ZNF768: variants seen among roughly 807,000 people sequenced by gnomAD.
ZNF768 encodes zinc finger protein 768.
Under a neutral mutation model 39.7 loss-of-function variants are expected in ZNF768, and 12 were observed. The ratio of observed to expected loss-of-function variants is 0.30; its 90% CI spans 0.19 to 0.49. ZNF768 has a LOEUF of 0.49. Among genes scored for constraint, ZNF768 ranks in the 20% least tolerant of loss-of-function variants. The pLI is 0.99. For missense variants in ZNF768, 613 were observed against 723.2 expected (o/e 0.85, Z 1.75); for synonymous variants, 360 against 288.4 (o/e 1.25, Z -2.52).
chr16:30,525,382 C>G lies in ZNF768; in HGVS notation c.758G>C (p.Arg253Thr), dbSNP rs1332717334. ...RGPGRRGGRA[R>T]GGQGPRPNIC... ...GTTAGGCCGAGGGCCCTGCCCACCC[C>G]TGGCCCGGCCACCCCGCCGACCTGG... is the stretch of plus-strand genomic sequence containing the variant. The change falls in exon 2 of 2, where the codon AGG (arginine) becomes ACG (threonine). Residue 253 changes from arginine (R) to threonine (T), a missense_variant. Around this residue, in one of 4 missense-constraint regions of ZNF768, gnomAD observed 347 missense variants for 326.1 expected, o/e 1.06. Coordinates refer to ENST00000380412, the MANE Select transcript of ZNF768 (RefSeq NM_024671.4). 1.2e-6 allele frequency: 2 copies of G among 1,613,924 alleles called. No individual in the cohort carries two copies. Among genetic ancestry groups the G allele is most frequent in the African/African-American group, 1.3e-5 (1 of 74,938 alleles).
rs761704586 is a variant in ZNF768 at position 30,524,979 on chromosome 16, G to C, written c.1161C>G (p.Ser387=). Residue 387 remains serine, a synonymous_variant, in exon 2 of 2, where the codon TCC becomes TCG. Transcript: ENST00000380412. Reference sequence around the variant, plus strand: ...TGTGCACCCTCTGATGGCTGCGCAGGGACGAGTTCTGGCTATAGCACTTGC... The same window carrying C: ...TGTGCACCCTCTGATGGCTGCGCAGCGACGAGTTCTGGCTATAGCACTTGC... ...ECGKCYSQNS[S]LRSHQRVHTG... 4.3e-6 allele frequency: 7 copies of C among 1,612,764 alleles called. No homozygotes were observed. The East Asian group carries it at 1.6e-4, about 36-fold the overall frequency.
At position 30,526,022 on chromosome 16, in the gene ZNF768, T is replaced by C; in HGVS notation, c.118A>G (p.Ile40Val). 1 of 1,495,308 alleles carries C rather than the reference T, an allele frequency of 6.7e-7. No homozygotes were observed. Among genetic ancestry groups the C allele is most frequent in the South Asian group, 1.4e-5 (1 of 70,272 alleles). The allele number at this position is 1,495,308 out of a possible 1,614,324, so 92.6% of individuals were successfully genotyped here. Residue 40 changes from isoleucine to valine, a missense_variant, in exon 2 of 2, where the codon ATT becomes GTT. Physicochemically the swap from Ile to Val is conservative, Grantham distance 29 (BLOSUM62 3). Around this residue, in one of 4 missense-constraint regions of ZNF768, gnomAD observed 347 missense variants for 326.1 expected, o/e 1.06. Coordinates refer to ENST00000380412, the MANE Select transcript of ZNF768 (RefSeq NM_024671.4). ...TCCCCACTGCCTTCTTGCTGAGAAA[T>C]TTCCTCTTCCTCATTCTCACTCATG... The part of the protein sequence containing the change: ...GNMSENEEEE[I>V]SQQEGSGDYE...
Position 30,526,050 on chromosome 16 carries a change from G to A in ZNF768, c.90C>T (p.Gly30=), listed in dbSNP as rs138061208. 1.0e-4 allele frequency: 157 copies of A among 1,496,872 alleles called. No individual in the cohort carries two copies. Among genetic ancestry groups the A allele is most frequent in the Non-Finnish European group, 1.3e-4 (151 of 1,126,466 alleles). The allele number at this position is 1,496,872 out of a possible 1,614,324, so 92.7% of individuals were successfully genotyped here. ...CCTCTTCCTCATTCTCACTCATGTT[G>A]CCTGCAGGATGAGAGAATCCAGATC... ...EMRSPEGYLR[G]NMSENEEEEI... is the part of the protein sequence containing the mutation. Residue 30 remains glycine, a splice_region_variant and synonymous_variant, in exon 2 of 2, where the codon GGC becomes GGT. Coordinates refer to ENST00000380412, the MANE Select transcript of ZNF768 (RefSeq NM_024671.4).
upstream of ZNF768, among the ~76,000 whole-genome samples, chr16:30,529,624 A>G (rs1488144299): frequency 2.0e-5 from 3 of 152,198 alleles, no homozygotes; most frequent in East Asian, 3.8e-4. Context: ...TGGAAAGAAC[A>G]AAGAAATGGA....
chr16:30,527,355 T>C (rs751487181), upstream of ZNF768: 14 of 972,632 alleles, frequency 1.4e-5, no homozygotes, highest in African/African-American at 5.3e-5. Context: ...AGGGCTAGGA[T>C]AGTTGCCAAG....
chr16:30,524,675 C>T lies in ZNF768; in HGVS notation c.1465G>A (p.Val489Met). Residue 489 changes from valine (V) to methionine (M), a missense_variant, in exon 2 of 2, where the codon GTG becomes ATG. Around this residue, in one of 4 missense-constraint regions of ZNF768, gnomAD observed 204 missense variants for 281.7 expected, o/e 0.72. Transcript: ENST00000380412. ...HTGERPYRCA[V>M]CGKGFCRSST... is the part of the protein sequence containing the mutation. ...GAGCGGCAGAAGCCCTTGCCGCACA[C>T]GGCGCACCTGTAGGGCCGCTCGCCC... 1 of 1,612,928 alleles carries T rather than the reference C, an allele frequency of 6.2e-7. No homozygotes were observed. Among genetic ancestry groups the T allele is most frequent in the Non-Finnish European group, 8.5e-7 (1 of 1,179,818 alleles).
chr16:30,525,857 G>T lies in ZNF768; in HGVS notation c.283C>A (p.Pro95Thr), dbSNP rs370512919. Reference sequence around the variant, plus strand: ...CTGGGTGCAAACTCAGGGCTTGGGGGCACAAGCCCAGGGCTTCGGGACTCA... The same window carrying T: ...CTGGGTGCAAACTCAGGGCTTGGGGTCACAAGCCCAGGGCTTCGGGACTCA... ...GFESRSPGLV[P>T]PSPEFAPRSP... Residue 95 changes from proline to threonine, a missense_variant, in exon 2 of 2, where the codon CCC becomes ACC. Physicochemically the swap from Pro to Thr is conservative, Grantham distance 38. Around this residue, in one of 4 missense-constraint regions of ZNF768, gnomAD observed 347 missense variants for 326.1 expected, o/e 1.06. Transcript: ENST00000380412. The T allele has an allele frequency of 2.0e-6, 3 of 1,523,936 alleles. No homozygotes were observed. The highest frequency in any genetic ancestry group is 2.8e-5 in the African/African-American group (2 of 71,682). 94.4% of individuals were successfully genotyped at this position (1,523,936 alleles called of 1,614,324 possible). A position where few individuals can be genotyped will look rare whatever the true frequency, so the allele number is the denominator to read the frequency against.
intron 1 of ZNF768, 135 bp downstream of exon 1, chr16:30,526,191 C>T: frequency 1.3e-6 from 2 of 1,524,900 alleles, no homozygotes; most frequent in Non-Finnish European, 1.8e-6. Context: ...TCAGCTGACC[C>T]AAGACACCCC....
rs745997109 is a variant in ZNF768 at position 30,524,824 on chromosome 16, C to G, written c.1316G>C (p.Gly439Ala). 1 of 1,610,624 alleles carries G rather than the reference C, an allele frequency of 6.2e-7. No individual in the cohort carries two copies. Among genetic ancestry groups the G allele is most frequent in the Non-Finnish European group, 8.5e-7 (1 of 1,179,676 alleles). The change falls in exon 2 of 2, where the codon GGC becomes GCC. Residue 439 changes from glycine to alanine, a missense_variant. Gly to Ala is a moderately conservative substitution (Grantham distance 60). Transcript: ENST00000380412. Reference sequence around the variant, plus strand: ...GTGGATGGCCAGCACCGAGCTCTGGCCAAAGCGCTTGCCGCACTCAGGGCA... The same window carrying G: ...GTGGATGGCCAGCACCGAGCTCTGGGCAAAGCGCTTGCCGCACTCAGGGCA... ...FKCPECGKRF[G>A]QSSVLAIHAR...
At chr16:30,532,030 T>A in the ZNF768 span, 1 of 173,362 alleles carries the variant, frequency 5.8e-6, no homozygotes, top group Non-Finnish European at 1.3e-5. Flanking sequence ...TGCCTGTAAT[T>A]CCAGCTACTT....
upstream of ZNF768, among the ~76,000 whole-genome samples, chr16:30,529,600 G>A (rs1034495079): frequency 2.6e-5 from 4 of 152,194 alleles, no homozygotes; most frequent in African/African-American, 7.2e-5. Context: ...CAGCAGCCAC[G>A]GCACAGGGCC....
At chr16:30,529,283 G>A (rs1043767455), upstream of ZNF768, among the ~76,000 whole-genome samples, 1 of 152,242 alleles carries the variant, frequency 6.6e-6, no homozygotes, top group Non-Finnish European at 1.5e-5. Context: ...GCATTGTCCT[G>A]CCTCTGCATC....
intron 1 of ZNF768, 133 bp from the exon 2 acceptor site, chr16:30,526,184 G>A (rs2051321814): frequency 6.6e-7 from 1 of 1,515,396 alleles, no homozygotes; most frequent in Non-Finnish European, 8.8e-7. Context: ...GCCCCCCTCA[G>A]CTGACCCAAG....
At position 30,524,149 on chromosome 16, in the gene ZNF768, C is replaced by T. The variant is rs1259877129; in HGVS notation, c.*368G>A. 8.4e-6 allele frequency: 2 copies of T among 239,258 alleles called. No homozygotes were observed. The highest frequency in any genetic ancestry group is 2.0e-4 in the South Asian group (2 of 9,904). 14.8% of individuals were successfully genotyped at this position (239,258 alleles called of 1,614,324 possible). A position where few individuals can be genotyped will look rare whatever the true frequency, so the allele number is the denominator to read the frequency against. The stretch of plus-strand genomic sequence containing the variant: ...CCACCTACCTTTTACCCGCTCCTGA[C>T]TCAACGAGAGTTTCAGCAGCTACCA... On this transcript the variant is annotated 3_prime_UTR_variant, in exon 2 of 2. Transcript: ENST00000380412.
upstream of ZNF768, among the ~76,000 whole-genome samples, chr16:30,528,732 C>T (rs749535636): frequency 2.6e-5 from 4 of 152,156 alleles, no homozygotes; most frequent in Non-Finnish European, 4.4e-5. Flanking sequence ...GCACTAGAGC[C>T]CACAGTCAAA....
rs2051298985 is a variant in ZNF768 at position 30,524,302 on chromosome 16, T to G, written c.*215A>C. On this transcript the variant is annotated 3_prime_UTR_variant, in exon 2 of 2. Coordinates refer to ENST00000380412, the MANE Select transcript of ZNF768 (RefSeq NM_024671.4). ...AGCCCTCCGCTGACCTCTCTCCATT[T>G]CTCCCAGGGCCTCCCGCTGCCGGCC... 13 of 654,976 alleles carry G rather than the reference T, an allele frequency of 2.0e-5. No individual in the cohort carries two copies. The East Asian group carries it at 5.3e-4, about 27-fold the overall frequency. 40.6% of individuals were successfully genotyped at this position (654,976 alleles called of 1,614,324 possible).
chr16:30,527,274 G>A (rs2051336167), upstream of ZNF768: 1 of 985,992 alleles, frequency 1.0e-6, no homozygotes, highest in Non-Finnish European at 1.2e-6. Flanking sequence ...ACCTGCGCGC[G>A]CCCGCTCCCG....
At chr16:30,527,131 G>A (rs1038280244), upstream of ZNF768, 2 of 985,346 alleles carry the variant, frequency 2.0e-6, no homozygotes, top group South Asian at 4.7e-5. Context: ...GCCAGCGGGG[G>A]CGGTGTCTCG....
At chr16:30,531,616 C>G (rs923937471), upstream of ZNF768, 1 of 151,734 alleles carries the variant, frequency 6.6e-6, no homozygotes, top group African/African-American at 2.4e-5. Flanking sequence ...AGTGGGAACC[C>G]CATCTCTGCA....
Sources: allele counts gnomAD v4.1 joint callset (sites outside exome capture counted in the v4.1 genomes callset), GRCh38; gene constraint gnomAD v4.1.1; regional missense constraint gnomAD v4.1.1; transcripts MANE v1.5; gene names NCBI Gene and HGNC (gene_info 2026-07-23, HGNC 2026-07-21).